Variants in NELL1 observed in about 807,000 individuals in gnomAD.
NELL1 encodes the protein neural EGFL like 1, also known as protein kinase C-binding protein NELL1.
In NELL1, 76 loss-of-function variants were observed where a neutral mutation model predicts 107.4. The observed-to-expected ratio is 0.71, with a 90% CI of 0.59 to 0.86. The LOEUF (loss-of-function observed/expected upper bound fraction) is 0.86. Among genes scored for constraint, NELL1 ranks in the 40% least tolerant of loss-of-function variants. The probability of loss-of-function intolerance (pLI) is 0.00; values close to 1 mark genes in which losing one functional copy is unlikely to be tolerated. For missense variants in NELL1, 1,024 were observed against 1,005.5 expected, an observed-to-expected ratio of 1.02 and a Z score of -0.25; for synonymous variants, 353 against 341.2, an observed-to-expected ratio of 1.03 and a Z score of -0.38.
intron 15 of NELL1, among the ~76,000 whole-genome samples, chr11:21,438,368 T>C (rs551674288): frequency 6.6e-6 from 1 of 152,288 alleles, no homozygotes; most frequent in East Asian, 1.9e-4. Flanking sequence ...TTGTTTTCTA[T>C]GTGACTTGAT....
intron 15 of NELL1, among the ~76,000 whole-genome samples, chr11:21,523,379 G>T (rs1272989032): frequency 6.6e-6 from 1 of 151,936 alleles, no homozygotes; most frequent in Non-Finnish European, 1.5e-5. Context: ...TTGGGTTTGG[G>T]TCTACTATTT....
chr11:20,749,784 G>T (rs1408514215), intron 2 of NELL1, among the ~76,000 whole-genome samples: 3 of 151,812 alleles, frequency 2.0e-5, no homozygotes, highest in Admixed American at 2.0e-4. Flanking sequence ...ATTTAGCTTT[G>T]CCTGTCCTTG....
At chr11:20,868,886 G>A (rs1181784948) in intron 4 of NELL1, among the ~76,000 whole-genome samples, 1 of 152,098 alleles carries the variant, frequency 6.6e-6, no homozygotes, top group Admixed American at 6.6e-5. Context: ...CATTTTGACA[G>A]CAATGTACAA....
At chr11:21,451,719 A>G (rs1853591802) in intron 15 of NELL1, among the ~76,000 whole-genome samples, 1 of 152,192 alleles carries the variant, frequency 6.6e-6, no homozygotes, top group African/African-American at 2.4e-5. Context: ...TAACCTGACA[A>G]ATGCTAAAAT....
Position 21,159,786 on chromosome 11 carries a change from A to G in NELL1, c.1426+46072A>G, listed in dbSNP as rs746089573. 9.2e-4 allele frequency among the ~76,000 whole-genome samples: 140 copies of G among 152,206 alleles called. 2 individuals carry two copies. Among genetic ancestry groups the G allele is most frequent in the Admixed American group, 5.2e-4 (8 of 15,278 alleles). ...GAATGTGTAGTGGCTGACCGGTTGA[A>G]ACACAAAAGTCAAACACACCACCCA... On this transcript the variant is annotated intron_variant, in intron 13 of 19. Coordinates refer to ENST00000357134, the MANE Select transcript of NELL1 (RefSeq NM_006157.5).
intron 13 of NELL1, among the ~76,000 whole-genome samples, chr11:21,134,749 C>A (rs2133762896): frequency 6.6e-6 from 1 of 152,178 alleles, no homozygotes; most frequent in East Asian, 1.9e-4. Flanking sequence ...GTATATGCAA[C>A]CCACAGTAAT....
At chr11:21,258,683 C>CA (rs1296957198) in intron 14 of NELL1, among the ~76,000 whole-genome samples, 1 of 151,802 alleles carries the variant, frequency 6.6e-6, no homozygotes, top group African/African-American at 2.4e-5. Context: ...TTATTCTCAT[C>CA]AAAAAAACAC....
intron 14 of NELL1, among the ~76,000 whole-genome samples, chr11:21,310,651 G>A (rs1315861274): frequency 1.3e-5 from 2 of 152,012 alleles, no homozygotes; most frequent in East Asian, 1.9e-4. Context: ...TTGATCATCT[G>A]TGAGGTTGAT....
chr11:21,442,278 G>A (rs993115478), intron 15 of NELL1, among the ~76,000 whole-genome samples: 2 of 152,074 alleles, frequency 1.3e-5, no homozygotes, highest in Non-Finnish European at 2.9e-5. Context: ...CCCTGCTCCT[G>A]GAATTCTATA....
intron 13 of NELL1, among the ~76,000 whole-genome samples, chr11:21,116,627 C>G (rs1855241711): frequency 6.6e-6 from 1 of 151,942 alleles, no homozygotes; most frequent in African/African-American, 2.4e-5. Flanking sequence ...CCCAATTTTT[C>G]TAGCCAAAAA....
chr11:20,714,106 G>C (rs1855178734), intron 2 of NELL1, among the ~76,000 whole-genome samples: 1 of 150,664 alleles, frequency 6.6e-6, no homozygotes, highest in Non-Finnish European at 1.5e-5. Context: ...GGTTCTTCAA[G>C]CAAAAGTTCA....
chr11:21,163,065 C>T (rs1377962030), intron 13 of NELL1, among the ~76,000 whole-genome samples: 4 of 152,174 alleles, frequency 2.6e-5, no homozygotes, highest in South Asian at 4.2e-4. Context: ...TTAATGACAC[C>T]GATGCCTGAG....
chr11:21,383,785 C>T (rs1851670699), intron 15 of NELL1: 1 of 150,780 alleles, frequency 6.6e-6, no homozygotes, highest in African/African-American at 2.4e-5. Flanking sequence ...CCTGATTTTC[C>T]CCCCTCAAAA....
chr11:21,115,708 A>G (rs1855219724), intron 13 of NELL1, among the ~76,000 whole-genome samples: 1 of 151,926 alleles, frequency 6.6e-6, no homozygotes, highest in African/African-American at 2.4e-5. Context: ...CACATGGTGG[A>G]CAACAGAAAG....
chr11:21,492,804 G>C lies in NELL1; in HGVS notation c.1646-41570G>C, dbSNP rs560349001. On this transcript the variant is annotated intron_variant, in intron 15 of 19. Coordinates refer to ENST00000357134, the MANE Select transcript of NELL1 (RefSeq NM_006157.5). ...AGATATACCTAATGTTAAATGACGAGTTAATGGGTACAGCACACCAGCATG... is the reference window on the plus strand; with the variant it reads ...AGATATACCTAATGTTAAATGACGACTTAATGGGTACAGCACACCAGCATG... Among the ~76,000 whole-genome samples the C allele has an allele frequency of 5.3e-5, 8 of 151,238 alleles. No individual in the cohort carries two copies. In the South Asian group the frequency reaches 1.7e-3, roughly 32 times the overall value.
intron 15 of NELL1, among the ~76,000 whole-genome samples, chr11:21,496,035 T>G (rs879365594): frequency 6.6e-6 from 1 of 152,252 alleles, no homozygotes; most frequent in East Asian, 1.9e-4. Flanking sequence ...TTATATTAAT[T>G]GCTTTTCAAA....
chr11:21,542,413 A>T (rs759905601), intron 16 of NELL1, among the ~76,000 whole-genome samples: 4 of 152,072 alleles, frequency 2.6e-5, no homozygotes, highest in Non-Finnish European at 5.9e-5. Flanking sequence ...AAATACAAAA[A>T]AAGGGAGCAT....
In NELL1 at chr11:21,070,436, A is replaced by G. The variant is rs138292113; in HGVS notation, c.1301-43153A>G. 5.5e-3 allele frequency among the ~76,000 whole-genome samples: 832 copies of G among 152,268 alleles called. 6 individuals carry two copies. Among genetic ancestry groups the G allele is most frequent in the African/African-American group, 0.019 (797 of 41,546 alleles). ...TTATAAGGTTGGCTTCTCAGAGACT[A>G]AAGTAAGAGCTAAAAGGAATTAGAA... On this transcript the variant is annotated intron_variant, in intron 12 of 19. Coordinates refer to ENST00000357134, the MANE Select transcript of NELL1 (RefSeq NM_006157.5).
chr11:21,232,266 G>T (rs1161086311), intron 14 of NELL1, among the ~76,000 whole-genome samples: 3 of 148,564 alleles, frequency 2.0e-5, no homozygotes, highest in Non-Finnish European at 4.5e-5. Context: ...GGAGGCAGAG[G>T]TTGCAGTGAG....
Sources: allele counts gnomAD v4.1 joint callset (sites outside exome capture counted in the v4.1 genomes callset), GRCh38; gene constraint gnomAD v4.1.1; transcripts MANE v1.5; gene names NCBI Gene and HGNC (gene_info 2026-07-23, HGNC 2026-07-21).